Variants in NEMP2 observed in about 807,000 individuals in gnomAD.
The protein encoded by NEMP2 is nuclear envelope integral membrane protein 2.
Under a neutral mutation model 54.2 loss-of-function variants are expected in NEMP2, and 53 were observed. The observed-to-expected ratio is 0.98, with a 90% confidence interval of 0.78 to 1.23. NEMP2 has a LOEUF of 1.23. Among genes scored for constraint, NEMP2 ranks in the 50% most tolerant of loss-of-function variants. NEMP2 has a pLI of 0.00. For missense variants in NEMP2, 455 were observed against 511.3 expected, an observed-to-expected ratio of 0.89 and a Z score of 1.06; for synonymous variants, 197 against 190.3, an observed-to-expected ratio of 1.04 and a Z score of -0.29.
chr2:190,647,111 C>T, the NEMP2 span, among the ~76,000 whole-genome samples: 1 of 152,050 alleles, frequency 6.6e-6, no homozygotes, highest in Non-Finnish European at 1.5e-5. Flanking sequence ...CTGCAAAAAC[C>T]GTGACAATTA....
intron 7 of NEMP2, among the ~76,000 whole-genome samples, chr2:190,511,059 T>C (rs750824775): frequency 1.3e-5 from 2 of 152,192 alleles, no homozygotes; most frequent in East Asian, 3.8e-4. Flanking sequence ...CTATCATAAA[T>C]AATGTCCTAA....
At chr2:190,477,031 A>G in the NEMP2 span, among the ~76,000 whole-genome samples, 2 of 130,248 alleles carry the variant, frequency 1.5e-5, no homozygotes, top group Non-Finnish European at 3.1e-5. Flanking sequence ...AGGAAGGGGA[A>G]CATCACACAC....
upstream of NEMP2, among the ~76,000 whole-genome samples, chr2:190,536,182 G>A (rs1211870168): frequency 6.6e-6 from 1 of 152,146 alleles, no homozygotes; most frequent in Non-Finnish European, 1.5e-5. Context: ...TAACAAGAAT[G>A]TTAGGAGGTG....
Position 190,527,671 on chromosome 2 carries a change from G to A in NEMP2, c.98-2293C>T, listed in dbSNP as rs898228852. 2.6e-5 allele frequency among the ~76,000 whole-genome samples: 4 copies of A among 152,164 alleles called. No homozygotes were observed. Among genetic ancestry groups the A allele is most frequent in the Non-Finnish European group, 1.5e-5 (1 of 68,026 alleles). On this transcript the variant is annotated intron_variant, in intron 1 of 8. Transcript: ENST00000409150. The surrounding 1 kb of genome is among the most constrained non-coding windows in gnomAD (Gnocchi z 4.0). ...CAAAGGTCCCCAACCCTGGGGCCAAGGACCAATACCAGTCCATGGTCTGTT... is the reference window on the plus strand; with the variant it reads ...CAAAGGTCCCCAACCCTGGGGCCAAAGACCAATACCAGTCCATGGTCTGTT...
the NEMP2 span, among the ~76,000 whole-genome samples, chr2:190,615,446 C>A: frequency 9.2e-5 from 14 of 152,220 alleles, no homozygotes; most frequent in East Asian, 2.7e-3. This position sits in a 1 kb window ranked among gnomAD's most constrained non-coding sequence, Gnocchi z 4.7. Context: ...CAGGGCAGGG[C>A]ACATGTGAAG....
At chr2:190,478,975 GC>G in the NEMP2 span, among the ~76,000 whole-genome samples, 28 of 152,260 alleles carry the variant, frequency 1.8e-4, no homozygotes, top group Non-Finnish European at 3.7e-4. Flanking sequence ...TCATTCTATA[GC>G]CCCCGCTACC....
chr2:190,581,561 A>C, the NEMP2 span, among the ~76,000 whole-genome samples: 1 of 152,224 alleles, frequency 6.6e-6, no homozygotes, highest in Non-Finnish European at 1.5e-5. Context: ...CACTTTTTAA[A>C]GTGCGTGCAC....
At chr2:190,621,403 T>G in the NEMP2 span, among the ~76,000 whole-genome samples, 1 of 152,202 alleles carries the variant, frequency 6.6e-6, no homozygotes, top group African/African-American at 2.4e-5. Context: ...AATATGGTAT[T>G]ATAATCTTAT....
chr2:190,481,715 G>T, the NEMP2 span, among the ~76,000 whole-genome samples: 1 of 152,230 alleles, frequency 6.6e-6, no homozygotes. Context: ...ACTGTTGAAT[G>T]CATGAAGGGG....
chr2:190,607,638 A>T, the NEMP2 span: 4 of 152,208 alleles, frequency 2.6e-5, no homozygotes, highest in African/African-American at 9.7e-5. This position sits in a 1 kb window ranked among gnomAD's most constrained non-coding sequence, Gnocchi z 5.2. Context: ...CTGTATTTTT[A>T]AAATTAATTA....
the NEMP2 span, among the ~76,000 whole-genome samples, chr2:190,482,903 T>TTTTTG: frequency 0.055 from 4,749 of 86,032 alleles, 1,656 homozygotes; most frequent in African/African-American, 0.081. Context: ...TTTTTTTTTT[T>TTTTTG]AGACGGAGTC....
chr2:190,581,791 G>A, the NEMP2 span, among the ~76,000 whole-genome samples: 14 of 152,140 alleles, frequency 9.2e-5, no homozygotes, highest in Non-Finnish European at 1.9e-4. Flanking sequence ...TGCAGTACAT[G>A]TCTAGTGCCG....
the NEMP2 span, among the ~76,000 whole-genome samples, chr2:190,601,051 A>G: frequency 1.3e-5 from 2 of 152,270 alleles, no homozygotes; most frequent in South Asian, 4.1e-4. The surrounding 1 kb of genome is among the most constrained non-coding windows in gnomAD (Gnocchi z 5.8). Context: ...CCTAACCCCT[A>G]GTACCTCAAA....
chr2:190,496,646 G>C, the NEMP2 span, among the ~76,000 whole-genome samples: 1 of 151,286 alleles, frequency 6.6e-6, no homozygotes, highest in African/African-American at 2.5e-5. This position sits in a 1 kb window ranked among gnomAD's most constrained non-coding sequence, Gnocchi z 4.7. Context: ...GTATATATAT[G>C]TATATGTGTA....
chr2:190,586,188 T>C, the NEMP2 span, among the ~76,000 whole-genome samples: 1 of 152,200 alleles, frequency 6.6e-6, no homozygotes, highest in South Asian at 2.1e-4. This position sits in a 1 kb window ranked among gnomAD's most constrained non-coding sequence, Gnocchi z 4.5. Context: ...AATACAACTT[T>C]TAAAAAATAC....
chr2:190,542,571 T>C, the NEMP2 span, among the ~76,000 whole-genome samples: 1 of 152,118 alleles, frequency 6.6e-6, no homozygotes, highest in Non-Finnish European at 1.5e-5. This position sits in a 1 kb window ranked among gnomAD's most constrained non-coding sequence, Gnocchi z 4.6. Flanking sequence ...CTTTTCATTG[T>C]TTTTTTACTT....
the NEMP2 span, among the ~76,000 whole-genome samples, chr2:190,445,186 T>C: frequency 6.6e-6 from 1 of 152,154 alleles, no homozygotes; most frequent in Non-Finnish European, 1.5e-5. Flanking sequence ...GGGATACTTA[T>C]CTCATATTAA....
chr2:190,576,396 T>A, the NEMP2 span, among the ~76,000 whole-genome samples: 3 of 152,208 alleles, frequency 2.0e-5, no homozygotes, highest in African/African-American at 7.2e-5. Flanking sequence ...TTTCTAGAAC[T>A]AGCATCAGCT....
At chr2:190,591,089 A>C in the NEMP2 span, among the ~76,000 whole-genome samples, 1 of 152,166 alleles carries the variant, frequency 6.6e-6, no homozygotes, top group South Asian at 2.1e-4. This position sits in a 1 kb window ranked among gnomAD's most constrained non-coding sequence, Gnocchi z 5.4. Flanking sequence ...TTTTGACAAA[A>C]AAAGGAAATA....
Sources: allele counts gnomAD v4.1 joint callset (sites outside exome capture counted in the v4.1 genomes callset), GRCh38; gene constraint gnomAD v4.1.1; non-coding constraint Gnocchi (gnomAD v3.1); transcripts MANE v1.5; gene names NCBI Gene and HGNC (gene_info 2026-07-23, HGNC 2026-07-21).